MACF1: variants seen among roughly 807,000 people sequenced by gnomAD.
The protein encoded by MACF1 is microtubule-actin cross-linking factor 1.
Under a neutral mutation model 854.8 loss-of-function variants are expected in MACF1, and 193 were observed. The ratio of observed to expected loss-of-function variants is 0.23; its 90% confidence interval spans 0.20 to 0.25. The LOEUF (loss-of-function observed/expected upper bound fraction) is 0.25. MACF1 is among the 10% of genes least tolerant of loss of function. The pLI, the probability that MACF1 is intolerant of heterozygous loss-of-function variation, is 1.00. For synonymous variants in MACF1, 3,185 were observed against 3,226.7 expected (o/e 0.99, Z 0.44); for missense variants, 7,722 against 8,929.1 (o/e 0.86, Z 5.45).
rs1009399855 is a variant in MACF1 at position 39,169,497 on chromosome 1, C to G, written c.221-61685C>G. On this transcript the variant is annotated intron_variant, in intron 2 of 93. Coordinates refer to the MACF1 transcript ENST00000361689. Reference sequence around the variant, plus strand: ...GTGTGTGCCTGTAGTCCCAGCTACTCAGGAGGATGAAGTGGGAGGATTGCT... The same window carrying G: ...GTGTGTGCCTGTAGTCCCAGCTACTGAGGAGGATGAAGTGGGAGGATTGCT... Among the ~76,000 whole-genome samples the G allele has an allele frequency of 2.6e-5, 4 of 150,998 alleles. No homozygotes were observed. The East Asian group carries it at 5.9e-4, about 22-fold the overall frequency.
intron 61 of MACF1, among the ~76,000 whole-genome samples, chr1:39,426,120 G>A (rs535240324): frequency 1.3e-5 from 2 of 152,164 alleles, no homozygotes; most frequent in African/African-American, 2.4e-5. Context: ...TTTAAAAAAT[G>A]AAATTCAAAT....
chr1:39,358,996 T>C lies in MACF1; in HGVS notation c.12120+123T>C, dbSNP rs1178854212. On this transcript the variant is annotated intron_variant, in intron 46 of 100. Coordinates refer to ENST00000564288, the MANE Select transcript of MACF1 (RefSeq NM_001394062.1). ...AGTGGTTGGGATGCCTTGGACAAGA[T>C]CTGAGTGCTAAACACTTGCTTCTAA... 7 of 1,414,948 alleles carry C rather than the reference T, an allele frequency of 4.9e-6. No homozygotes were observed. The East Asian group carries it at 1.4e-4, about 28-fold the overall frequency. 87.6% of individuals were successfully genotyped at this position (1,414,948 alleles called of 1,614,324 possible). A position where few individuals can be genotyped will look rare whatever the true frequency, so the allele number is the denominator to read the frequency against.
At chr1:39,413,125 G>C in intron 58 of MACF1, 2 of 1,610,764 alleles carry the variant, frequency 1.2e-6, no homozygotes, top group Non-Finnish European at 1.7e-6. Flanking sequence ...GTTCTCCCCA[G>C]AGTGGGCTGC....
intron 35 of MACF1, among the ~76,000 whole-genome samples, chr1:39,326,633 A>T (rs1646617061): frequency 1.4e-5 from 2 of 146,652 alleles, no homozygotes; most frequent in African/African-American, 2.5e-5. Context: ...GTAAGCCAAG[A>T]TCGCACCACT....
At chr1:39,331,170 TC>T (rs1646717865) in intron 36 of MACF1, 32 bp from the exon 37 acceptor site, 2 of 1,456,706 alleles carry the variant, frequency 1.4e-6, no homozygotes, top group African/African-American at 3.1e-5. Context: ...TCTTCTCTTT[TC>T]CTTTTTTTTT....
chr1:39,422,584 A>G (rs1289008597), intron 59 of MACF1, 49 bp downstream of exon 59: 5 of 1,564,780 alleles, frequency 3.2e-6, no homozygotes, highest in Non-Finnish European at 4.3e-6. Flanking sequence ...AGGCATAGAA[A>G]AGAGACATCT....
chr1:39,340,776 A>C (rs752356176), intron 39 of MACF1, 28 bp from the exon 40 acceptor site: 15 of 1,611,920 alleles, frequency 9.3e-6, no homozygotes, highest in Non-Finnish European at 1.3e-5. Flanking sequence ...GGAGATTTTC[A>C]TAATGTGATT....
chr1:39,435,360 A>C (rs1362538432), intron 69 of MACF1, among the ~76,000 whole-genome samples, 198 bp from the exon 70 acceptor site: 1 of 152,224 alleles, frequency 6.6e-6, no homozygotes, highest in Non-Finnish European at 1.5e-5. Flanking sequence ...CTGACTTTCA[A>C]AAATTAAATT....
intron 23 of MACF1, among the ~76,000 whole-genome samples, chr1:39,307,062 A>ACAAGG (rs959662053): frequency 4.3e-4 from 65 of 151,828 alleles, no homozygotes; most frequent in African/African-American, 1.3e-3. Flanking sequence ...TTTAGTAAAG[A>ACAAGG]CAGGGTTTCA....
At chr1:39,126,043 A>G (rs1642851911) in intron 2 of MACF1, among the ~76,000 whole-genome samples, 1 of 152,184 alleles carries the variant, frequency 6.6e-6, no homozygotes, top group Admixed American at 6.5e-5. Flanking sequence ...TGACAGGATA[A>G]ATGCCATTTT....
chr1:39,194,332 TTTTC>T (rs1644290934), intron 2 of MACF1, among the ~76,000 whole-genome samples: 4 of 96,554 alleles, frequency 4.1e-5, no homozygotes, highest in Admixed American at 2.1e-4. Context: ...TTTTCTTTTC[TTTTC>T]TTTTCTTTTC....
At chr1:39,170,806 G>A (rs1466332561) in intron 2 of MACF1, among the ~76,000 whole-genome samples, 1 of 152,214 alleles carries the variant, frequency 6.6e-6, no homozygotes, top group East Asian at 1.9e-4. Flanking sequence ...AAGCCCATCT[G>A]TGGGAGGACA....
intron 55 of MACF1, among the ~76,000 whole-genome samples, chr1:39,380,850 T>C (rs977972688): frequency 6.6e-6 from 1 of 152,120 alleles, no homozygotes; most frequent in African/African-American, 2.4e-5. Flanking sequence ...AGTTCAAGGC[T>C]GCAGTGAGCT....
At chr1:39,428,939 A>G (rs1428705350) in intron 63 of MACF1, among the ~76,000 whole-genome samples, 1 of 152,170 alleles carries the variant, frequency 6.6e-6, no homozygotes, top group African/African-American at 2.4e-5. Context: ...CACAGTAGAC[A>G]ATTTTGCTCA....
In MACF1 at chr1:39,468,671, T is replaced by C; in HGVS notation, c.21828T>C (p.Val7276=). Residue 7276 remains valine, a synonymous_variant, in exon 96 of 101, where the codon GTT becomes GTC. Transcript: ENST00000564288. ...LVRILRSTVM[V]RVGGGWMALD... ...GTATTCTGCGCAGCACCGTGATGGTTCGCGTTGGTGGAGGATGGATGGCCT... is the reference window on the plus strand; with the variant it reads ...GTATTCTGCGCAGCACCGTGATGGTCCGCGTTGGTGGAGGATGGATGGCCT... The C allele has an allele frequency of 6.2e-7, 1 of 1,614,182 alleles. No individual in the cohort carries two copies. Among genetic ancestry groups the C allele is most frequent in the Non-Finnish European group, 8.5e-7 (1 of 1,180,028 alleles).
At chr1:39,269,165 C>T (rs1340176485) in intron 6 of MACF1, 11 of 1,289,906 alleles carry the variant, frequency 8.5e-6, no homozygotes, top group East Asian at 5.6e-5. Context: ...AAAGGAACTG[C>T]GAGAAGTCAG....
At chr1:39,163,340 C>CA (rs11371076) in intron 2 of MACF1, among the ~76,000 whole-genome samples, 58,030 of 80,422 alleles carry the variant, frequency 0.72, 20,765 homozygotes, top group Non-Finnish European at 0.78. Context: ...AAGACTGTCT[C>CA]AAAAAAAAAA....
chr1:39,359,232 C>A lies in MACF1; in HGVS notation c.12212C>A (p.Ala4071Asp). 6.2e-7 allele frequency: 1 copy of A among 1,614,100 alleles called. No homozygotes were observed. Among genetic ancestry groups the A allele is most frequent in the Non-Finnish European group, 8.5e-7 (1 of 1,180,008 alleles). Reference sequence around the variant, plus strand: ...ATAATGGAAATTGAAGGGGAGCCAGCCCCAGACCACAGGCATGTTCAAGAA... The same window carrying A: ...ATAATGGAAATTGAAGGGGAGCCAGACCCAGACCACAGGCATGTTCAAGAA... ...RDIMEIEGEP[A>D]PDHRHVQETT... The change falls in exon 47 of 101, where the codon GCC becomes GAC. Residue 4071 changes from alanine (A) to aspartate (D), a missense_variant. By Grantham distance (126) the Ala-to-Asp change is moderately radical. This residue lies in a region of MACF1 where 2,807 missense variants were observed against 3,235.8 expected (regional missense o/e 0.87). Coordinates refer to ENST00000564288, the MANE Select transcript of MACF1 (RefSeq NM_001394062.1).
At chr1:39,456,526 G>C (rs1373791336) in intron 89 of MACF1, among the ~76,000 whole-genome samples, 2 of 152,186 alleles carry the variant, frequency 1.3e-5, no homozygotes, top group Non-Finnish European at 2.9e-5. Flanking sequence ...TATATTTTCA[G>C]CTTAACGATG....
Sources: allele counts gnomAD v4.1 joint callset (sites outside exome capture counted in the v4.1 genomes callset), GRCh38; gene constraint gnomAD v4.1.1; regional missense constraint gnomAD v4.1.1; transcripts MANE v1.5; gene names NCBI Gene and HGNC (gene_info 2026-07-23, HGNC 2026-07-21).